The following MAP4K4 variants were observed in gnomAD, a reference collection of about 807,000 sequenced individuals.
The protein encoded by MAP4K4 is HPK/GCK-like kinase HGK.
MAP4K4 carries 38 observed loss-of-function variants against 189.6 expected under a neutral mutation model. The ratio of observed to expected loss-of-function variants is 0.20; its 90% CI spans 0.15 to 0.26. MAP4K4 has a LOEUF of 0.26. Among genes scored for constraint, MAP4K4 ranks in the 10% least tolerant of loss-of-function variants. The pLI is 1.00. For synonymous variants in MAP4K4, 610 were observed against 624.3 expected (o/e 0.98, Z 0.34); for missense variants, 1,054 against 1,726.9 (o/e 0.61, Z 6.91).
chr2:101,829,764 C>G (rs531926670), intron 6 of MAP4K4, 170 bp downstream of exon 6: 1 of 554,074 alleles, frequency 1.8e-6, no homozygotes, highest in African/African-American at 1.9e-5. Context: ...CTCCAGCCTC[C>G]CCACTTCCAT....
chr2:101,709,881 T>C (rs1263269996), intron 2 of MAP4K4, among the ~76,000 whole-genome samples: 1 of 152,242 alleles, frequency 6.6e-6, no homozygotes, highest in East Asian at 1.9e-4. Context: ...AGTTTTTTTG[T>C]GATACCTTTT....
chr2:101,859,584 G>A lies in MAP4K4; in HGVS notation c.1483-59G>A, dbSNP rs1265053670. On this transcript the variant is annotated intron_variant, in intron 14 of 32. Transcript: ENST00000324219. ...TTTTTTTAAAAGCCGAACAAATCCA[G>A]AGAAGAGGCGAGCTCTCCAGTGTCC... is the stretch of plus-strand genomic sequence containing the variant. The A allele has an allele frequency of 5.4e-6, 7 of 1,289,624 alleles. No individual in the cohort carries two copies. The East Asian group carries it at 1.8e-4, about 32-fold the overall frequency. The allele number at this position is 1,289,624 out of a possible 1,614,324, so 79.9% of individuals were successfully genotyped here.
rs561761011 is a variant in MAP4K4 at position 101,792,478 on chromosome 2, G to A, written c.180+1702G>A. On this transcript the variant is annotated intron_variant, in intron 3 of 32. Coordinates refer to ENST00000324219, the Ensembl canonical transcript of MAP4K4. ...CTTCTCTGTAGAGCTCTTCTTCACC[G>A]AAGCCTGGCTCTGATTATAAGTGTG... is the stretch of plus-strand genomic sequence containing the variant. Among the ~76,000 whole-genome samples, 10 of 152,074 alleles carry A rather than the reference G, an allele frequency of 6.6e-5. 1 individual carries two copies. The South Asian group carries it at 1.9e-3, about 28-fold the overall frequency.
chr2:101,736,416 G>C (rs563817298), intron 2 of MAP4K4, among the ~76,000 whole-genome samples: 1 of 152,148 alleles, frequency 6.6e-6, no homozygotes, highest in Non-Finnish European at 1.5e-5. Context: ...GCCTTACCCA[G>C]CTGGGTCCTG....
intron 2 of MAP4K4, among the ~76,000 whole-genome samples, chr2:101,755,929 C>CTTTTTT (rs57392183): frequency 0.013 from 774 of 57,868 alleles, 11 homozygotes; most frequent in Middle Eastern, 0.03. Context: ...AGTTCTTTTT[C>CTTTTTT]TTTTTTTTTT....
chr2:101,823,734 C>T (rs911827713), intron 3 of MAP4K4, among the ~76,000 whole-genome samples, 194 bp from the exon 4 acceptor site: 3 of 152,116 alleles, frequency 2.0e-5, no homozygotes, highest in Non-Finnish European at 4.4e-5. Context: ...TGCATCACGT[C>T]CTATAATCAC....
chr2:101,736,992 A>G (rs2060506473), intron 2 of MAP4K4, among the ~76,000 whole-genome samples: 1 of 152,176 alleles, frequency 6.6e-6, no homozygotes, highest in South Asian at 2.1e-4. Context: ...TTGCTCTGTT[A>G]TGAGCTGTCC....
At chr2:101,709,089 A>G (rs543210377) in intron 2 of MAP4K4, among the ~76,000 whole-genome samples, 18 of 152,194 alleles carry the variant, frequency 1.2e-4, no homozygotes, top group Non-Finnish European at 1.8e-4. Flanking sequence ...AGTGTAACCA[A>G]ACACTTGGTT....
chr2:101,834,375 C>T (rs1237014527), intron 7 of MAP4K4, 34 bp from the exon 8 acceptor site: 2 of 1,529,962 alleles, frequency 1.3e-6, no homozygotes, highest in Non-Finnish European at 9.0e-7. Flanking sequence ...TGTATCTACT[C>T]CAGTATCTGT....
chr2:101,847,351 T>A (rs1476673831), intron 12 of MAP4K4, among the ~76,000 whole-genome samples: 1 of 152,212 alleles, frequency 6.6e-6, no homozygotes, highest in Non-Finnish European at 1.5e-5. Flanking sequence ...CCAAGTTAAC[T>A]GCAAAAGAGC....
chr2:101,861,934 TAAA>T (rs375489497), intron 16 of MAP4K4: 47 of 134,936 alleles, frequency 3.5e-4, no homozygotes, highest in East Asian at 1.5e-3. Flanking sequence ...ATGGAGGAGT[TAAA>T]AAAAAAAAAA....
chr2:101,891,766 T>C (rs1439674965), exon 33 of MAP4K4: 1 of 152,654 alleles, frequency 6.6e-6, no homozygotes, highest in Admixed American at 6.6e-5. Flanking sequence ...AATGTGACGA[T>C]ATGTGGACAA....
chr2:101,829,432 T>G, intron 5 of MAP4K4, 72 bp from the exon 6 acceptor site: 1 of 999,904 alleles, frequency 1.0e-6, no homozygotes, highest in Non-Finnish European at 1.5e-6. Context: ...CACTTTCTTA[T>G]AAAAGGTGTG....
chr2:101,745,340 C>G (rs1274968801), intron 2 of MAP4K4, among the ~76,000 whole-genome samples: 5 of 134,410 alleles, frequency 3.7e-5, no homozygotes, highest in Non-Finnish European at 7.8e-5. Context: ...CCCCCCCCCC[C>G]CAATACTGCT....
At chr2:101,737,048 G>GA (rs2149687671) in intron 2 of MAP4K4, among the ~76,000 whole-genome samples, 2 of 152,232 alleles carry the variant, frequency 1.3e-5, no homozygotes, top group East Asian at 3.9e-4. Flanking sequence ...TTTTGATTAT[G>GA]AAAAGTTAGT....
chr2:101,803,261 G>GTGTGTGTGTGTA (rs764726761), intron 3 of MAP4K4, among the ~76,000 whole-genome samples: 1 of 149,192 alleles, frequency 6.7e-6, no homozygotes, highest in Non-Finnish European at 1.5e-5. Flanking sequence ...GTGTGTGTGT[G>GTGTGTGTGTGTA]TGTATGTATG....
intron 3 of MAP4K4, among the ~76,000 whole-genome samples, chr2:101,818,338 A>G (rs993209642): frequency 2.6e-5 from 4 of 152,160 alleles, no homozygotes; most frequent in African/African-American, 9.7e-5. Context: ...CCTCTCTCCA[A>G]CTAACAAAGA....
At chr2:101,714,440 G>A (rs183288850) in intron 2 of MAP4K4, among the ~76,000 whole-genome samples, 115 of 152,200 alleles carry the variant, frequency 7.6e-4, no homozygotes, top group African/African-American at 2.6e-3. Context: ...CATTTCAAAA[G>A]AGGCTGTTTG....
intron 3 of MAP4K4, among the ~76,000 whole-genome samples, chr2:101,808,579 T>C (rs1575947054): frequency 7.4e-6 from 1 of 135,058 alleles, no homozygotes; most frequent in Non-Finnish European, 1.6e-5. Context: ...CCTACGGTGG[T>C]GAATTTTATG....
Sources: allele counts gnomAD v4.1 joint callset (sites outside exome capture counted in the v4.1 genomes callset), GRCh38; gene constraint gnomAD v4.1.1; transcripts MANE v1.5; gene names NCBI Gene and HGNC (gene_info 2026-07-23, HGNC 2026-07-21).